Variants in ABL1 observed in about 807,000 individuals in gnomAD.
The protein encoded by ABL1 is tyrosine-protein kinase ABL1.
In ABL1, 11 loss-of-function variants were observed where a neutral mutation model predicts 94.7. That is an observed-to-expected ratio of 0.12 (90% CI 0.07 to 0.19). The LOEUF (loss-of-function observed/expected upper bound fraction) is 0.19. Ranked by LOEUF, ABL1 falls within the 10% of genes least tolerant of loss-of-function variation. ABL1 has a pLI of 1.00. For missense variants in ABL1, 1,082 were observed against 1,489.4 expected, an observed-to-expected ratio of 0.73 and a Z score of 4.50; for synonymous variants, 656 against 622.4, an observed-to-expected ratio of 1.05 and a Z score of -0.80.
intron 10 of ABL1, among the ~76,000 whole-genome samples, chr9:130,882,295 G>A (rs1026907523): frequency 6.6e-6 from 1 of 152,200 alleles, no homozygotes; most frequent in East Asian, 1.9e-4. Context: ...GCTCAGTGCT[G>A]AAACTGAGTG....
intron 1 of ABL1, among the ~76,000 whole-genome samples, chr9:130,754,486 C>T (rs527421185): frequency 3.0e-4 from 37 of 124,966 alleles, no homozygotes; most frequent in Non-Finnish European, 3.7e-4. Flanking sequence ...CCAGCCTGGG[C>T]GACAGAGCGA....
At chr9:130,825,445 A>G (rs1830413496) in intron 1 of ABL1, among the ~76,000 whole-genome samples, 1 of 152,194 alleles carries the variant, frequency 6.6e-6, no homozygotes, top group East Asian at 1.9e-4. Context: ...ATTTTAAACA[A>G]AAGGAGCTTG....
At chr9:130,866,078 C>T (rs72765071) in intron 4 of ABL1, among the ~76,000 whole-genome samples, 98 of 152,266 alleles carry the variant, frequency 6.4e-4, no homozygotes, top group Non-Finnish European at 1.2e-3. Context: ...ATTCCCCAAT[C>T]TGCAAAGATC....
rs768505623 is a variant in ABL1, at chr9:130,780,579, CCT to C, written c.136+66125_136+66126del. Among the ~76,000 whole-genome samples the C allele has an allele frequency of 5.9e-5, 9 of 152,232 alleles. No homozygotes were observed. In the South Asian group the frequency reaches 1.9e-3, roughly 32 times the overall value. ...CCTGCTATTTCTAGGCGAATTGTCC[CCT>C]TTCTCCTCCCTCTTCCCTCATCTCC... On this transcript the variant is annotated intron_variant, in intron 1 of 10. Coordinates refer to the ABL1 transcript ENST00000372348.
At position 130,863,146 on chromosome 9, in the gene ABL1, A is replaced by G. The variant is rs548004554; in HGVS notation, c.822+111A>G. 1 of 1,278,806 alleles carries G rather than the reference A, an allele frequency of 7.8e-7. No homozygotes were observed. Among genetic ancestry groups the G allele is most frequent in the South Asian group, 1.6e-5 (1 of 64,236 alleles). 79.2% of individuals were successfully genotyped at this position (1,278,806 alleles called of 1,614,324 possible). On this transcript the variant is annotated intron_variant, in intron 4 of 10. Coordinates refer to ENST00000318560, the MANE Select transcript of ABL1 (RefSeq NM_005157.6). The surrounding 1 kb of genome is among the most constrained non-coding windows in gnomAD (Gnocchi z 4.3). ...CTCCTGCCTGCTGTCCGAGGGCTTCATTGGCGCCACGGAATTGACTTTTCC... is the reference window on the plus strand; with the variant it reads ...CTCCTGCCTGCTGTCCGAGGGCTTCGTTGGCGCCACGGAATTGACTTTTCC...
intron 1 of ABL1, among the ~76,000 whole-genome samples, chr9:130,773,861 A>G (rs1379032205): frequency 3.3e-5 from 5 of 152,140 alleles, no homozygotes; most frequent in Non-Finnish European, 1.5e-5. Flanking sequence ...AATTATATGT[A>G]TATGCCCACA....
At chr9:130,757,349 C>T (rs995297041) in intron 1 of ABL1, among the ~76,000 whole-genome samples, 1 of 151,962 alleles carries the variant, frequency 6.6e-6, no homozygotes, top group Non-Finnish European at 1.5e-5. Flanking sequence ...TTGTTTGAGC[C>T]TAGGAGTTCA....
chr9:130,754,302 A>G (rs1177079572), intron 1 of ABL1, among the ~76,000 whole-genome samples: 1 of 149,064 alleles, frequency 6.7e-6, no homozygotes, highest in Non-Finnish European at 1.5e-5. Context: ...AGGTCAGGAG[A>G]TCGAGACCAT....
At chr9:130,830,255 T>A (rs1386200059), upstream of ABL1, among the ~76,000 whole-genome samples, 1 of 152,208 alleles carries the variant, frequency 6.6e-6, no homozygotes, top group African/African-American at 2.4e-5. Context: ...AAAGCGGATT[T>A]ACTCTAAGGC....
rs34944264 is a variant in ABL1, at chr9:130,872,027, C to T, written c.823-102C>T. ...GGCTGTCACAAAACGCAGCCCAGGACGAGTATGCGCTGAAGCTCCATTTTG... is the reference window on the plus strand; with the variant it reads ...GGCTGTCACAAAACGCAGCCCAGGATGAGTATGCGCTGAAGCTCCATTTTG... On this transcript the variant is annotated intron_variant, in intron 4 of 10. Coordinates refer to ENST00000318560, the MANE Select transcript of ABL1 (RefSeq NM_005157.6). This position sits in a 1 kb window ranked among gnomAD's most constrained non-coding sequence, Gnocchi z 5.0. 3,073 of 992,402 alleles carry T rather than the reference C, an allele frequency of 3.1e-3. 47 individuals are homozygous for T. The African/African-American group carries it at 0.032, about 10-fold the overall frequency. The allele number at this position is 992,402 out of a possible 1,614,324, so 61.5% of individuals were successfully genotyped here.
chr9:130,793,381 C>T (rs956956582), intron 1 of ABL1, among the ~76,000 whole-genome samples: 7 of 152,144 alleles, frequency 4.6e-5, no homozygotes, highest in Non-Finnish European at 8.8e-5. Flanking sequence ...CCCTTTCTTC[C>T]GCATACATAT....
intron 1 of ABL1, among the ~76,000 whole-genome samples, chr9:130,773,187 G>C (rs1420282203): frequency 1.3e-5 from 2 of 152,112 alleles, no homozygotes; most frequent in Non-Finnish European, 2.9e-5. Context: ...GGGCATGGTG[G>C]CACATGCCTG....
exon 1 of ABL1, chr9:130,714,090 A>T: frequency 2.4e-6 from 1 of 408,182 alleles, no homozygotes; most frequent in East Asian, 3.7e-5. Context: ...TTGCAATTAC[A>T]TGAAATTGAT....
At chr9:130,721,864 C>A (rs1831519562) in intron 1 of ABL1, among the ~76,000 whole-genome samples, 1 of 148,192 alleles carries the variant, frequency 6.7e-6, no homozygotes. Flanking sequence ...CTCTGTTGCC[C>A]AGACTGGAGT....
rs1166841293 is a variant in ABL1, at chr9:130,854,072, C to T, written c.88C>T (p.Gln30Ter). ...SSSCYLEEAL[Q>*]RPVASDFEPQ... ...CCCCCTTTCTCTTCCAGAAGCCCTT[C>T]AGCGGCCAGTAGCATCTGACTTTGA... The change falls in exon 2 of 11, where the codon CAG becomes TAG. Residue 30 changes from glutamine (Q) to a stop codon, truncating the protein, a stop_gained. Coordinates refer to ENST00000318560, the MANE Select transcript of ABL1 (RefSeq NM_005157.6). LOFTEE classifies it high-confidence loss of function. The T allele has an allele frequency of 6.2e-7, 1 of 1,610,146 alleles. No individual in the cohort carries two copies. Among genetic ancestry groups the T allele is most frequent in the Non-Finnish European group, 8.5e-7 (1 of 1,178,400 alleles).
At chr9:130,782,068 C>T (rs1829763322) in intron 1 of ABL1, among the ~76,000 whole-genome samples, 1 of 149,026 alleles carries the variant, frequency 6.7e-6, no homozygotes, top group African/African-American at 2.5e-5. Flanking sequence ...TTTTCTTTTT[C>T]TTTTTTTTTT....
chr9:130,735,961 A>ATATTTTTTTTTT (rs573602038), intron 1 of ABL1, among the ~76,000 whole-genome samples: 51 of 94,846 alleles, frequency 5.4e-4, no homozygotes, highest in African/African-American at 2.7e-3. Context: ...ATATATATAT[A>ATATTTTTTTTTT]TTTTTTTTTT....
At chr9:130,839,441 A>C (rs1830636134) in intron 1 of ABL1, among the ~76,000 whole-genome samples, 1 of 152,188 alleles carries the variant, frequency 6.6e-6, no homozygotes, top group Non-Finnish European at 1.5e-5. Context: ...CTGTTACCTA[A>C]TAAAAGGCCA....
intron 1 of ABL1, among the ~76,000 whole-genome samples, chr9:130,747,239 A>G (rs997568777): frequency 2.0e-5 from 3 of 152,138 alleles, no homozygotes; most frequent in African/African-American, 7.2e-5. Context: ...TTAGTTGGGC[A>G]TGGTGGCATG....
Sources: gnomAD v4.1 joint callset for allele counts (sites outside exome capture counted in the v4.1 genomes callset) on GRCh38, gnomAD v4.1.1 for gene constraint, Gnocchi (gnomAD v3.1) non-coding constraint, MANE v1.5 for transcripts, NCBI Gene and HGNC (gene_info 2026-07-23, HGNC 2026-07-21) for gene names.